The following IGF2BP2 variants were observed in gnomAD, a reference collection of about 807,000 sequenced individuals.
IGF2BP2 encodes the protein insulin-like growth factor 2 mRNA-binding protein 2.
IGF2BP2 carries 17 observed loss-of-function variants against 75.8 expected under a neutral mutation model. The ratio of observed to expected loss-of-function variants is 0.22; its 90% confidence interval spans 0.15 to 0.34. IGF2BP2 has a LOEUF of 0.34. Ranked by LOEUF, IGF2BP2 falls within the 10% of genes least tolerant of loss-of-function variation. The pLI is 1.00. For missense variants in IGF2BP2, 516 were observed against 772.4 expected (o/e 0.67, Z 3.93); for synonymous variants, 288 against 295.6 (o/e 0.97, Z 0.26).
intron 2 of IGF2BP2, among the ~76,000 whole-genome samples, chr3:185,751,959 C>T (rs1731030440): frequency 6.6e-6 from 1 of 152,012 alleles, no homozygotes; most frequent in South Asian, 2.1e-4. Flanking sequence ...GAGACTCTGT[C>T]TCAAAAAATA....
At chr3:185,705,178 C>A (rs1393102010) in intron 2 of IGF2BP2, among the ~76,000 whole-genome samples, 1 of 152,214 alleles carries the variant, frequency 6.6e-6, no homozygotes, top group Non-Finnish European at 1.5e-5. Context: ...CTCACTGCAA[C>A]CTCCGCCTCC....
chr3:185,710,605 C>T (rs1011025202), intron 2 of IGF2BP2, among the ~76,000 whole-genome samples: 3 of 151,952 alleles, frequency 2.0e-5, no homozygotes, highest in Admixed American at 6.6e-5. Context: ...TGGTGGAGGG[C>T]GCCTGTAGTC....
At chr3:185,691,535 C>T (rs2149330463) in intron 5 of IGF2BP2, among the ~76,000 whole-genome samples, 1 of 152,306 alleles carries the variant, frequency 6.6e-6, no homozygotes, top group South Asian at 2.1e-4. Flanking sequence ...ACCCATAAAG[C>T]AAGACCAAAT....
chr3:185,820,651 C>G (rs889536340), intron 2 of IGF2BP2, among the ~76,000 whole-genome samples: 4 of 152,086 alleles, frequency 2.6e-5, no homozygotes, highest in Non-Finnish European at 4.4e-5. Context: ...AAAGATACAA[C>G]TGGTAAGCAA....
intron 2 of IGF2BP2, among the ~76,000 whole-genome samples, chr3:185,777,110 CCAAAAGAAGAAACTACAGGAAGTCCT>C (rs1468389427): frequency 7.2e-5 from 11 of 152,162 alleles, no homozygotes; most frequent in Non-Finnish European, 1.2e-4. Flanking sequence ...ATAGTTGCCT[CCAAAAGAAGAAACTACAGGAAGTCCT>C]CACTTAATGT....
intron 2 of IGF2BP2, among the ~76,000 whole-genome samples, chr3:185,707,710 G>A (rs1241671130): frequency 6.6e-6 from 1 of 151,804 alleles, no homozygotes; most frequent in Non-Finnish European, 1.5e-5. Flanking sequence ...GGGAGGAGGG[G>A]GTCAAGGACC....
In IGF2BP2 at chr3:185,688,585, C is replaced by T. The variant is rs561921917; in HGVS notation, c.677+770G>A. Among the ~76,000 whole-genome samples, 8 of 152,278 alleles carry T rather than the reference C, an allele frequency of 5.3e-5. No individual in the cohort carries two copies. In the South Asian group the frequency reaches 1.2e-3, roughly 24 times the overall value. ...CTCGAACTCCTGACCTCAGATGATC[C>T]CCCTGCTTCAGCCTCCCAAAGTGCT... On this transcript the variant is annotated intron_variant, in intron 6 of 15. Coordinates refer to ENST00000382199, the MANE Select transcript of IGF2BP2 (RefSeq NM_006548.6).
Position 185,689,371 on chromosome 3 carries a change from T to C in IGF2BP2, c.661A>G (p.Lys221Glu). 1 of 1,613,458 alleles carries C rather than the reference T, an allele frequency of 6.2e-7. No homozygotes were observed. Among genetic ancestry groups the C allele is most frequent in the East Asian group, 2.2e-5 (1 of 44,872 alleles). ...GGCACGTACCGGGACTGGGTCTGCT[T>C]AGTGATGTTCTTTATGGTCAAGCCC... ...KEGLTIKNIT[K>E]QTQSRVDIHR... Residue 221 changes from lysine (K) to glutamate (E), a missense_variant, in exon 6 of 16, where the codon AAG becomes GAG. Coordinates refer to ENST00000382199, the MANE Select transcript of IGF2BP2 (RefSeq NM_006548.6).
intron 2 of IGF2BP2, among the ~76,000 whole-genome samples, chr3:185,719,654 C>T (rs1385313262): frequency 3.3e-5 from 5 of 152,040 alleles, no homozygotes; most frequent in East Asian, 1.9e-4. Context: ...GCCAACGTGG[C>T]GAAACCCTGT....
intron 10 of IGF2BP2, 115 bp from the exon 11 acceptor site, chr3:185,658,524 A>C (rs1201235331): frequency 1.2e-6 from 1 of 814,150 alleles, no homozygotes; most frequent in African/African-American, 1.7e-5. Context: ...AGCTGGCTCC[A>C]CTGTCGTGTC....
chr3:185,718,336 A>G (rs1031204265), intron 2 of IGF2BP2, among the ~76,000 whole-genome samples: 2 of 152,188 alleles, frequency 1.3e-5, no homozygotes, highest in African/African-American at 4.8e-5. Flanking sequence ...AGCTGAGAAG[A>G]TTAAGACCAA....
At chr3:185,680,482 CCAGA>C (rs1402785713) in intron 7 of IGF2BP2, among the ~76,000 whole-genome samples, 3 of 152,148 alleles carry the variant, frequency 2.0e-5, no homozygotes, top group Non-Finnish European at 4.4e-5. Flanking sequence ...GATTCCAAAG[CCAGA>C]CAAAGACACC....
At chr3:185,697,856 C>T (rs958863737) in intron 3 of IGF2BP2, among the ~76,000 whole-genome samples, 2 of 152,070 alleles carry the variant, frequency 1.3e-5, no homozygotes, top group African/African-American at 2.4e-5. Flanking sequence ...TGGTGGCATG[C>T]ATCGAGTCCC....
chr3:185,689,285 A>C, intron 6 of IGF2BP2, 70 bp downstream of exon 6: 1 of 1,508,196 alleles, frequency 6.6e-7, no homozygotes, highest in Admixed American at 1.9e-5. Flanking sequence ...GTGACCTAAG[A>C]GTGGCTGAGA....
At chr3:185,788,731 T>C (rs1341544656) in intron 2 of IGF2BP2, among the ~76,000 whole-genome samples, 4 of 142,534 alleles carry the variant, frequency 2.8e-5, no homozygotes, top group Admixed American at 1.4e-4. Context: ...TTTTTTTTTT[T>C]TTTTTTGATA....
At chr3:185,677,009 T>TA (rs1294806915) in intron 7 of IGF2BP2, among the ~76,000 whole-genome samples, 1 of 103,056 alleles carries the variant, frequency 9.7e-6, no homozygotes, top group African/African-American at 3.8e-5. Flanking sequence ...TATGGAGAGA[T>TA]TATATATATG....
chr3:185,749,618 A>G (rs1161013716), intron 2 of IGF2BP2, among the ~76,000 whole-genome samples: 1 of 152,240 alleles, frequency 6.6e-6, no homozygotes, highest in East Asian at 1.9e-4. Context: ...CAGGTGCAGC[A>G]GCACTAATAT....
chr3:185,657,951 C>A (rs1179328666), intron 11 of IGF2BP2, among the ~76,000 whole-genome samples: 1 of 152,194 alleles, frequency 6.6e-6, no homozygotes, highest in Non-Finnish European at 1.5e-5. Flanking sequence ...TTGGGCAAGG[C>A]TGCCAGGGGT....
intron 11 of IGF2BP2, 69 bp downstream of exon 11, chr3:185,658,272 C>A: frequency 1.4e-6 from 2 of 1,398,032 alleles, no homozygotes; most frequent in Middle Eastern, 2.0e-4. Flanking sequence ...CATTCACTGG[C>A]CACCAAGGGC....
Sources: gnomAD v4.1 joint callset for allele counts (sites outside exome capture counted in the v4.1 genomes callset) on GRCh38, gnomAD v4.1.1 for gene constraint, MANE v1.5 for transcripts, NCBI Gene and HGNC (gene_info 2026-07-23, HGNC 2026-07-21) for gene names.